DLG5: variants seen among roughly 807,000 people sequenced by gnomAD.
DLG5 encodes the protein discs large MAGUK scaffold protein 5, also known as disks large homolog 5.
DLG5 carries 48 observed loss-of-function variants against 189.8 expected under a neutral mutation model. The ratio of observed to expected loss-of-function variants is 0.25; its 90% CI spans 0.20 to 0.32. The LOEUF is 0.32. Among genes scored for constraint, DLG5 ranks in the 10% least tolerant of loss-of-function variants. The probability of loss-of-function intolerance (pLI) is 1.00; values close to 1 mark genes in which losing one functional copy is unlikely to be tolerated. For synonymous variants in DLG5, 1,016 were observed against 1,054.1 expected (o/e 0.96, Z 0.70); for missense variants, 2,160 against 2,544.7 (o/e 0.85, Z 3.25).
In DLG5 at chr10:77,806,102, C is replaced by T; in HGVS notation, c.4968-241G>A. On this transcript the variant is annotated intron_variant, in intron 26 of 31. Coordinates refer to ENST00000372391, the MANE Select transcript of DLG5 (RefSeq NM_004747.4). ...GAGCAGGCGATTTTTTCTACTACAG[C>T]ATATTCAGCTCGGTGTCAAAAGGAA... 6.4e-6 allele frequency: 3 copies of T among 472,434 alleles called. No individual in the cohort carries two copies. The East Asian group carries it at 9.7e-5, about 15-fold the overall frequency. 29.3% of individuals were successfully genotyped at this position (472,434 alleles called of 1,614,324 possible). A position where few individuals can be genotyped will look rare whatever the true frequency, so the allele number is the denominator to read the frequency against.
rs116877634 is a variant in DLG5 at position 77,810,868 on chromosome 10, C to T, written c.4463+226G>A. On this transcript the variant is annotated intron_variant, in intron 23 of 31. Coordinates refer to ENST00000372391, the MANE Select transcript of DLG5 (RefSeq NM_004747.4). ...AAAAGGAGAAGAGAAAGAGAAGATG[C>T]AGGGGAAAAAACAAGTCAATAGAAA... Among the ~76,000 whole-genome samples the T allele has an allele frequency of 4.6e-3, 695 of 152,012 alleles. 4 individuals carry two copies. The highest frequency in any genetic ancestry group is 7.1e-3 in the Non-Finnish European group (484 of 67,952).
At chr10:77,819,746 C>T (rs1842242437) in intron 16 of DLG5, 149 bp downstream of exon 16, 1 of 1,335,048 alleles carries the variant, frequency 7.5e-7, no homozygotes. Flanking sequence ...GACAAACCAT[C>T]CCAGACAGGA....
intron 1 of DLG5, among the ~76,000 whole-genome samples, chr10:77,919,456 C>T (rs1846469537): frequency 6.6e-6 from 1 of 151,614 alleles, no homozygotes; most frequent in Non-Finnish European, 1.5e-5. Context: ...AGCAAGTCTC[C>T]CGTCAATGCT....
chr10:77,866,908 C>T (rs1247343193), intron 2 of DLG5: 4 of 446,258 alleles, frequency 9.0e-6, no homozygotes, highest in African/African-American at 4.0e-5. Context: ...AAGCAAAACT[C>T]GGTTCCCTGT....
rs146222224 is a variant in DLG5 at position 77,858,963 on chromosome 10, C to T, written c.374-2071G>A. ...TCTCAGCTCACTATAACCTCTGCCT[C>T]CTGGGCTCAAGCGATCCTCTCACCT... On this transcript the variant is annotated intron_variant, in intron 2 of 31. Coordinates refer to ENST00000372391, the MANE Select transcript of DLG5 (RefSeq NM_004747.4). 4.5e-3 allele frequency among the ~76,000 whole-genome samples: 686 copies of T among 152,248 alleles called. 5 individuals carry two copies. Among genetic ancestry groups the T allele is most frequent in the African/African-American group, 0.015 (642 of 41,534 alleles).
chr10:77,801,836 A>G (rs1275685734), intron 27 of DLG5, among the ~76,000 whole-genome samples: 1 of 152,164 alleles, frequency 6.6e-6, no homozygotes, highest in Non-Finnish European at 1.5e-5. Context: ...CCCAGATCCC[A>G]TGAGCATTAC....
At chr10:77,876,374 T>TC (rs1491581683) in intron 1 of DLG5, among the ~76,000 whole-genome samples, 2 of 62,550 alleles carry the variant, frequency 3.2e-5, no homozygotes, top group Non-Finnish European at 6.3e-5. Context: ...CCCATCTCTC[T>TC]TTTTTTTTTT....
intron 17 of DLG5, 32 bp downstream of exon 17, chr10:77,819,289 A>G (rs1248635): frequency 0.66 from 1,069,870 of 1,612,718 alleles, 356,431 homozygotes; most frequent in African/African-American, 0.77. Flanking sequence ...GGGCAGCTGG[A>G]GTACAGAGAA....
intron 3 of DLG5, 150 bp from the exon 4 acceptor site, chr10:77,854,520 T>A: frequency 9.2e-7 from 1 of 1,087,120 alleles, no homozygotes; most frequent in Admixed American, 2.8e-5. Context: ...AACTCAGATA[T>A]CCTGGCCTCA....
chr10:77,834,721 A>G (rs1843041850), intron 8 of DLG5, among the ~76,000 whole-genome samples: 1 of 152,016 alleles, frequency 6.6e-6, no homozygotes, highest in Admixed American at 6.5e-5. Flanking sequence ...ACAGCCTCGA[A>G]TCTCCCCCAG....
chr10:77,917,347 AAAAC>A (rs879667637), intron 1 of DLG5, among the ~76,000 whole-genome samples: 39 of 152,026 alleles, frequency 2.6e-4, no homozygotes, highest in Non-Finnish European at 4.7e-4. Context: ...ATCTCAAAAA[AAAAC>A]AAACAAACAA....
chr10:77,896,236 T>C (rs1449293350), intron 1 of DLG5, among the ~76,000 whole-genome samples: 2 of 152,242 alleles, frequency 1.3e-5, no homozygotes, highest in African/African-American at 4.8e-5. Context: ...CAGATTTTAT[T>C]TGGCTAGTAT....
chr10:77,930,901 A>C (rs1241335062), upstream of DLG5, among the ~76,000 whole-genome samples: 4 of 144,558 alleles, frequency 2.8e-5, no homozygotes, highest in African/African-American at 7.8e-5. Flanking sequence ...GCTCACCGCA[A>C]CCTCCACCTT....
chr10:77,794,072 C>T lies in DLG5; in HGVS notation c.5592G>A (p.Arg1864=), dbSNP rs772621702. The T allele has an allele frequency of 9.9e-6, 16 of 1,614,096 alleles. No individual in the cohort carries two copies. Among genetic ancestry groups the T allele is most frequent in the African/African-American group, 2.7e-5 (2 of 74,930 alleles). The part of the protein sequence containing the change: ...PIYLRDKVTQ[R]HSKEQFEAAQ... ...CCGCCTCAAACTGCTCTTTGGAATG[C>T]CTCTGAGTCACCTTGTCCCTCAGGT... The change falls in exon 31 of 32, where the codon AGG becomes AGA. Residue 1864 remains arginine (R), a synonymous_variant. Transcript: ENST00000372391.
At chr10:77,881,329 C>T (rs764255062) in intron 1 of DLG5, among the ~76,000 whole-genome samples, 6 of 152,060 alleles carry the variant, frequency 3.9e-5, no homozygotes, top group Admixed American at 3.9e-4. Flanking sequence ...CAGGAGATAC[C>T]TAGTAATCAC....
intron 1 of DLG5, among the ~76,000 whole-genome samples, chr10:77,882,383 G>A (rs1041766945): frequency 6.6e-6 from 1 of 152,080 alleles, no homozygotes; most frequent in African/African-American, 2.4e-5. Flanking sequence ...ATGAAATACT[G>A]GATGCTGAAA....
intron 2 of DLG5, among the ~76,000 whole-genome samples, chr10:77,863,387 C>G (rs1481211593): frequency 1.3e-5 from 2 of 152,284 alleles, no homozygotes; most frequent in East Asian, 1.9e-4. Flanking sequence ...GTTTGAGCAA[C>G]CACACCTAGC....
chr10:77,936,785 A>G, the DLG5 span, among the ~76,000 whole-genome samples: 1 of 152,202 alleles, frequency 6.6e-6, no homozygotes, highest in African/African-American at 2.4e-5. Flanking sequence ...AATTCTTTGC[A>G]GCAACCCTGC....
chr10:77,858,469 T>C (rs1328616301), intron 2 of DLG5, among the ~76,000 whole-genome samples: 4 of 152,008 alleles, frequency 2.6e-5, no homozygotes, highest in Non-Finnish European at 5.9e-5. Flanking sequence ...ACCCCGTCTC[T>C]AGCAAAAAAT....
Sources: gnomAD v4.1 joint callset for allele counts (sites outside exome capture counted in the v4.1 genomes callset) on GRCh38, gnomAD v4.1.1 for gene constraint, MANE v1.5 for transcripts, NCBI Gene and HGNC (gene_info 2026-07-23, HGNC 2026-07-21) for gene names.